The following SRRT variants were observed in gnomAD, a reference collection of about 807,000 sequenced individuals.
SRRT encodes serrate RNA effector molecule homolog.
A neutral mutation model predicts 103.2 loss-of-function variants in SRRT; 32 were observed. The observed-to-expected ratio is 0.31, with a 90% CI of 0.23 to 0.42. The LOEUF is 0.42. Ranked by LOEUF, SRRT falls within the 10% of genes least tolerant of loss-of-function variation. SRRT has a pLI of 1.00. For synonymous variants in SRRT, 525 were observed against 449.0 expected (o/e 1.17, Z -2.14); for missense variants, 986 against 1,207.5 (o/e 0.82, Z 2.72).
Position 100,885,665 on chromosome 7 carries a change from T to TG in SRRT, c.1318-35dup, listed in dbSNP as rs916792198. 7 of 1,581,486 alleles carry TG rather than the reference T, an allele frequency of 4.4e-6. No individual in the cohort carries two copies. The African/African-American group carries it at 9.4e-5, about 21-fold the overall frequency. ...TTGGAGGAAGAAGCGAATGAATCCTTGAGTCACTGTGGGGCTGCTTTTCTG... is the reference window on the plus strand; with the variant it reads ...TTGGAGGAAGAAGCGAATGAATCCTTGGAGTCACTGTGGGGCTGCTTTTCTG... On this transcript the variant is annotated intron_variant, in intron 10 of 19. Transcript: ENST00000611405. This position sits in a 1 kb window ranked among gnomAD's most constrained non-coding sequence, Gnocchi z 4.8.
chr7:100,879,408 C>T (rs1816068659), intron 2 of SRRT, among the ~76,000 whole-genome samples: 1 of 152,112 alleles, frequency 6.6e-6, no homozygotes, highest in East Asian at 1.9e-4. Context: ...CGGCCTGCCT[C>T]ATTTTTCAAG....
Position 100,885,574 on chromosome 7 carries a change from T to G in SRRT, c.1318-127T>G. On this transcript the variant is annotated intron_variant, in intron 10 of 19. Transcript: ENST00000611405. The surrounding 1 kb of genome is among the most constrained non-coding windows in gnomAD (Gnocchi z 4.8). The stretch of plus-strand genomic sequence containing the variant: ...TGTTCTGAAGCCCTTTAGTGGTTTT[T>G]CCCTGCCCAAGGATGGGAAGAGTGA... 1 of 1,193,604 alleles carries G rather than the reference T, an allele frequency of 8.4e-7. No homozygotes were observed. The highest frequency in any genetic ancestry group is 1.2e-6 in the Non-Finnish European group (1 of 833,200). The allele number at this position is 1,193,604 out of a possible 1,614,324, so 73.9% of individuals were successfully genotyped here. A position where few individuals can be genotyped will look rare whatever the true frequency, so the allele number is the denominator to read the frequency against.
chr7:100,875,350 G>C, intron 1 of SRRT, 22 bp downstream of exon 1: 2 of 1,280,654 alleles, frequency 1.6e-6, no homozygotes, highest in Non-Finnish European at 1.0e-6. Flanking sequence ...GAGGAGCCTG[G>C]GGGGCCCCGC....
Position 100,888,562 on chromosome 7 carries a change from T to A in SRRT, c.*13T>A, listed in dbSNP as rs1034339469. ...TGATTTCTTTTGAGCCGTCCCCCGT[T>A]CCTCAGTCCTGTATCATCCATACTT... On this transcript the variant is annotated 3_prime_UTR_variant, in exon 20 of 20. Coordinates refer to ENST00000611405, the MANE Select transcript of SRRT (RefSeq NM_015908.6). 6.2e-7 allele frequency: 1 copy of A among 1,614,038 alleles called. No individual in the cohort carries two copies. Among genetic ancestry groups the A allele is most frequent in the Non-Finnish European group, 8.5e-7 (1 of 1,180,002 alleles).
intron 13 of SRRT, 68 bp downstream of exon 13, chr7:100,886,503 CT>C: frequency 6.8e-7 from 1 of 1,470,968 alleles, no homozygotes; most frequent in Non-Finnish European, 9.1e-7. Flanking sequence ...CACCTCTGAC[CT>C]TACCTATCTG....
intron 12 of SRRT, 112 bp from the exon 13 acceptor site, chr7:100,886,135 G>T: frequency 7.5e-7 from 1 of 1,336,826 alleles, no homozygotes. Flanking sequence ...CGTCCCCAGG[G>T]AGCTCGCAGT....
chr7:100,888,056 T>A lies in SRRT; in HGVS notation c.2341T>A (p.Leu781Met). ...PGPAQILPPG[L>M]TPGLPYPHQT... ...TGTCCGTGTTGTACTCCCCCCAGGT[T>A]TGACCCCAGGACTCCCCTACCCACA... The change falls in exon 18 of 20, where the codon TTG (leucine) becomes ATG (methionine). Residue 781 changes from leucine (L) to methionine (M), a missense_variant. Physicochemically the swap from Leu to Met is conservative, Grantham distance 15. Coordinates refer to ENST00000611405, the MANE Select transcript of SRRT (RefSeq NM_015908.6). The A allele has an allele frequency of 6.4e-7, 1 of 1,561,040 alleles. No individual in the cohort carries two copies. The highest frequency in any genetic ancestry group is 1.2e-5 in the South Asian group (1 of 82,078).
Position 100,884,500 on chromosome 7 carries a change from A to T in SRRT, c.890A>T (p.Asp297Val). ...GGACGGGCTGGAGCAGGCCTAGGGGACGGGGAGCGCAAAACCAACGACAAG... is the reference window on the plus strand; with the variant it reads ...GGACGGGCTGGAGCAGGCCTAGGGGTCGGGGAGCGCAAAACCAACGACAAG... ...EEGRAGAGLG[D>V]GERKTNDKDE... The change falls in exon 7 of 20, where the codon GAC (aspartate) becomes GTC (valine). Residue 297 changes from aspartate to valine, a missense_variant. Asp to Val is a radical substitution (Grantham distance 152). Around this residue, in one of 6 missense-constraint regions of SRRT, gnomAD observed 166 missense variants for 148.6 expected, o/e 1.12. Transcript: ENST00000611405. The T allele has an allele frequency of 6.2e-7, 1 of 1,600,808 alleles. No homozygotes were observed. The highest frequency in any genetic ancestry group is 2.3e-5 in the East Asian group (1 of 43,614).
Position 100,878,207 on chromosome 7 carries a change from G to T in SRRT, c.122+2495G>T, listed in dbSNP as rs186763222. 8.3e-4 allele frequency among the ~76,000 whole-genome samples: 126 copies of T among 152,258 alleles called. 1 individual carries two copies. In the East Asian group the frequency reaches 0.018, roughly 22 times the overall value. Reference sequence around the variant, plus strand: ...CATGCCTGTAGTCCCGGCAACTCCGGAGGCTGAGGCGGGAGGATGGCTTGA... The same window carrying T: ...CATGCCTGTAGTCCCGGCAACTCCGTAGGCTGAGGCGGGAGGATGGCTTGA... On this transcript the variant is annotated intron_variant, in intron 2 of 19. Transcript: ENST00000611405.
At chr7:100,886,995 G>A (rs1384193699) in intron 14 of SRRT, 27 bp downstream of exon 14, 1 of 1,610,092 alleles carries the variant, frequency 6.2e-7, no homozygotes, top group East Asian at 2.2e-5. Flanking sequence ...GGGGCACGTG[G>A]GGGCTCGGGC....
At chr7:100,884,598 AG>A (rs2115844641) in intron 7 of SRRT, 46 bp downstream of exon 7, 4 of 361,390 alleles carry the variant, frequency 1.1e-5, no homozygotes, top group Non-Finnish European at 1.9e-5. Flanking sequence ...AGCCTGGGGG[AG>A]GGGGGCGGGT....
In SRRT at chr7:100,888,054, G is replaced by C; in HGVS notation, c.2339G>C (p.Gly780Ala). The change falls in exon 18 of 20, where the codon GGT (glycine) becomes GCT (alanine). Residue 780 changes from glycine (G) to alanine (A), a missense_variant. Physicochemically the swap from Gly to Ala is moderately conservative, Grantham distance 60. Around this residue, in one of 6 missense-constraint regions of SRRT, gnomAD observed 178 missense variants for 189.6 expected, o/e 0.94. Transcript: ENST00000611405. Reference protein sequence around the residue: ...PPGPAQILPPGLTPGLPYPHQ... With the variant: ...PPGPAQILPPALTPGLPYPHQ... ...CCTGTCCGTGTTGTACTCCCCCCAG[G>C]TTTGACCCCAGGACTCCCCTACCCA... 6.4e-7 allele frequency: 1 copy of C among 1,559,526 alleles called. No individual in the cohort carries two copies. The highest frequency in any genetic ancestry group is 1.4e-5 in the African/African-American group (1 of 72,528).
Position 100,887,118 on chromosome 7 carries a change from C to T in SRRT, c.1893C>T (p.Pro631=). The change falls in exon 15 of 20, where the codon CCC becomes CCT. Residue 631 remains proline, a synonymous_variant. Coordinates refer to ENST00000611405, the MANE Select transcript of SRRT (RefSeq NM_015908.6). This position sits in a 1 kb window ranked among gnomAD's most constrained non-coding sequence, Gnocchi z 4.1. ...SLDYYNTCEY[P]NEDEMPNRCG... The stretch of plus-strand genomic sequence containing the variant: ...ATTATTACAACACCTGTGAGTACCC[C>T]AACGAGGACGAGATGCCCAATCGCT... 3 of 1,614,230 alleles carry T rather than the reference C, an allele frequency of 1.9e-6. No individual in the cohort carries two copies. The highest frequency in any genetic ancestry group is 2.5e-6 in the Non-Finnish European group (3 of 1,180,046).
In SRRT at chr7:100,888,555, C is replaced by G. The variant is rs1790418335; in HGVS notation, c.*6C>G. 1.2e-6 allele frequency: 2 copies of G among 1,614,012 alleles called. No homozygotes were observed. The highest frequency in any genetic ancestry group is 3.3e-5 in the Admixed American group (2 of 59,992). On this transcript the variant is annotated 3_prime_UTR_variant, in exon 20 of 20. Transcript: ENST00000611405. ...ACGATGTTGATTTCTTTTGAGCCGTCCCCCGTTCCTCAGTCCTGTATCATC... is the reference window on the plus strand; with the variant it reads ...ACGATGTTGATTTCTTTTGAGCCGTGCCCCGTTCCTCAGTCCTGTATCATC...
chr7:100,878,525 A>G (rs1815969026), intron 2 of SRRT, among the ~76,000 whole-genome samples: 1 of 152,218 alleles, frequency 6.6e-6, no homozygotes, highest in African/African-American at 2.4e-5. Flanking sequence ...ATACTATTTC[A>G]GATTGAAGGT....
At position 100,885,223 on chromosome 7, in the gene SRRT, C is replaced by CAAGGAG; in HGVS notation, c.1180_1185dup (p.Glu394_Lys395dup). 1.2e-6 allele frequency: 2 copies of CAAGGAG among 1,613,888 alleles called. No individual in the cohort carries two copies. Among genetic ancestry groups the CAAGGAG allele is most frequent in the South Asian group, 1.1e-5 (1 of 91,068 alleles). On this transcript the variant is annotated inframe_insertion, in exon 10 of 20. Coordinates refer to ENST00000611405, the MANE Select transcript of SRRT (RefSeq NM_015908.6). This position sits in a 1 kb window ranked among gnomAD's most constrained non-coding sequence, Gnocchi z 4.8. ...CCCCTTCCTGCCTAGAAGAAGCGCT[C>CAAGGAG]AAGGAGAAGGAGAAGCCCAAGGAAG...
chr7:100,888,402 C>G lies in SRRT; in HGVS notation c.2555+19C>G. On this transcript the variant is annotated intron_variant, in intron 19 of 19. Transcript: ENST00000611405. The stretch of plus-strand genomic sequence containing the variant: ...GCAACAGGTGAGGAGGGCAGACGCC[C>G]AAGCTTTGTTGCCGCCTGCAGACTC... The G allele has an allele frequency of 6.2e-7, 1 of 1,613,282 alleles. No homozygotes were observed. Among genetic ancestry groups the G allele is most frequent in the Non-Finnish European group, 8.5e-7 (1 of 1,179,438 alleles).
chr7:100,877,932 C>T (rs1815908650), intron 2 of SRRT, among the ~76,000 whole-genome samples: 1 of 152,182 alleles, frequency 6.6e-6, no homozygotes, highest in African/African-American at 2.4e-5. Context: ...ATTTGGCAGA[C>T]ATCTTGAAAA....
intron 2 of SRRT, chr7:100,876,065 C>T (rs1815665341): frequency 4.5e-6 from 1 of 219,824 alleles, no homozygotes; most frequent in Non-Finnish European, 9.5e-6. Flanking sequence ...CAGCCTCCAC[C>T]TCCCGGGCTC....
Sources: allele counts gnomAD v4.1 joint callset (sites outside exome capture counted in the v4.1 genomes callset), GRCh38; gene constraint gnomAD v4.1.1; regional missense constraint gnomAD v4.1.1; non-coding constraint Gnocchi (gnomAD v3.1); transcripts MANE v1.5; gene names NCBI Gene and HGNC (gene_info 2026-07-23, HGNC 2026-07-21).